Variants in RBFOX1 observed in about 807,000 individuals in gnomAD.
RBFOX1 encodes RNA binding fox-1 homolog 1.
Under a neutral mutation model 57.7 loss-of-function variants are expected in RBFOX1, and 8 were observed. That is an observed-to-expected ratio of 0.14 (90% CI 0.08 to 0.25). The LOEUF is 0.25. RBFOX1 is among the 10% of genes least tolerant of loss of function. The pLI, the probability that RBFOX1 is intolerant of heterozygous loss-of-function variation, is 1.00. For synonymous variants in RBFOX1, 326 were observed against 222.4 expected, an observed-to-expected ratio of 1.47 and a Z score of -4.15; for missense variants, 611 against 548.5, an observed-to-expected ratio of 1.11 and a Z score of -1.14.
intron 4 of RBFOX1, among the ~76,000 whole-genome samples, chr16:7,126,973 C>T (rs1043180332): frequency 6.8e-6 from 1 of 146,476 alleles, no homozygotes; most frequent in Non-Finnish European, 1.5e-5. Flanking sequence ...CGCGCCACTA[C>T]ACTGCAGCCT....
At chr16:6,415,626 G>C (rs571059676) in intron 2 of RBFOX1, among the ~76,000 whole-genome samples, 1 of 152,054 alleles carries the variant, frequency 6.6e-6, no homozygotes, top group Admixed American at 6.6e-5. Context: ...GCTTGAATCC[G>C]GGAGATGGAG....
chr16:6,922,777 G>C (rs2074760114), intron 3 of RBFOX1, among the ~76,000 whole-genome samples: 1 of 152,154 alleles, frequency 6.6e-6, no homozygotes, highest in African/African-American at 2.4e-5. Flanking sequence ...TGGTGACTGT[G>C]AGTAATAAAT....
chr16:7,013,457 C>T (rs771875067), intron 3 of RBFOX1, among the ~76,000 whole-genome samples: 9 of 152,166 alleles, frequency 5.9e-5, no homozygotes, highest in Admixed American at 2.0e-4. Flanking sequence ...GGATGCTACT[C>T]GCATCTAGCA....
At chr16:6,267,368 C>G (rs939489974) in intron 1 of RBFOX1, among the ~76,000 whole-genome samples, 1 of 152,170 alleles carries the variant, frequency 6.6e-6, no homozygotes, top group Non-Finnish European at 1.5e-5. Context: ...CTGATAAACC[C>G]CGATTTCACT....
At chr16:6,418,761 T>G (rs752066538) in intron 2 of RBFOX1, among the ~76,000 whole-genome samples, 4 of 152,094 alleles carry the variant, frequency 2.6e-5, no homozygotes, top group Admixed American at 6.6e-5. Flanking sequence ...CTCCTGGTCC[T>G]TAATCAGTCC....
chr16:5,310,262 C>T (rs910944161), intron 1 of RBFOX1, among the ~76,000 whole-genome samples: 1 of 151,972 alleles, frequency 6.6e-6, no homozygotes, highest in African/African-American at 2.4e-5. Flanking sequence ...ATTAGCTGGG[C>T]ATAGTAGTGC....
Position 6,876,342 on chromosome 16 carries a change from C to T in RBFOX1, c.-15-175715C>T, listed in dbSNP as rs566659084. ...GACAATGAATGACTTGTTGACTATT[C>T]CACCATCAAAGAAAAATAATATTAA... is the stretch of plus-strand genomic sequence containing the variant. On this transcript the variant is annotated intron_variant, in intron 3 of 15. Transcript: ENST00000550418. 1.8e-3 allele frequency among the ~76,000 whole-genome samples: 276 copies of T among 152,212 alleles called. 1 individual carries two copies. Among genetic ancestry groups the T allele is most frequent in the Middle Eastern group, 6.8e-3 (2 of 294 alleles).
At chr16:6,712,302 A>T (rs1056142052) in intron 3 of RBFOX1, among the ~76,000 whole-genome samples, 15 of 152,290 alleles carry the variant, frequency 9.8e-5, no homozygotes, top group Admixed American at 2.6e-4. Flanking sequence ...ACCTTCTGTC[A>T]TCTGGGTCTG....
At chr16:5,331,350 A>C (rs995309486) in intron 1 of RBFOX1, among the ~76,000 whole-genome samples, 3 of 152,204 alleles carry the variant, frequency 2.0e-5, no homozygotes, top group Admixed American at 6.5e-5. Flanking sequence ...AAAACTTCAT[A>C]ATTACTATGT....
chr16:7,493,908 G>C (rs530571079), intron 4 of RBFOX1, among the ~76,000 whole-genome samples: 1 of 152,252 alleles, frequency 6.6e-6, no homozygotes, highest in East Asian at 1.9e-4. Flanking sequence ...GTAGGTGCTT[G>C]GTTTTAGTTT....
intron 3 of RBFOX1, among the ~76,000 whole-genome samples, chr16:5,859,184 G>T (rs1007367298): frequency 2.0e-5 from 3 of 152,142 alleles, no homozygotes; most frequent in African/African-American, 7.2e-5. Flanking sequence ...CAGCCTGGGC[G>T]ACACAGCGAG....
At chr16:7,192,264 C>T (rs1327749092) in intron 4 of RBFOX1, among the ~76,000 whole-genome samples, 1 of 152,166 alleles carries the variant, frequency 6.6e-6, no homozygotes, top group Non-Finnish European at 1.5e-5. Flanking sequence ...ATGTTTTGTG[C>T]AAGGAGAGAG....
At chr16:7,414,527 G>C (rs9302845) in intron 4 of RBFOX1, among the ~76,000 whole-genome samples, 10 of 152,036 alleles carry the variant, frequency 6.6e-5, no homozygotes, top group African/African-American at 2.4e-4. Context: ...TGATAGAAAA[G>C]TGTGACTTTC....
At chr16:5,637,236 C>T (rs987223095) in intron 3 of RBFOX1, among the ~76,000 whole-genome samples, 2 of 152,194 alleles carry the variant, frequency 1.3e-5, no homozygotes, top group African/African-American at 4.8e-5. Flanking sequence ...TTCAAGCAGC[C>T]TCCAACAATT....
chr16:6,753,073 T>A (rs1431366748), intron 3 of RBFOX1, among the ~76,000 whole-genome samples: 1 of 91,178 alleles, frequency 1.1e-5, no homozygotes, highest in Non-Finnish European at 2.5e-5. Context: ...TAGGAAGTAA[T>A]GGCATAAAAA....
At chr16:6,174,861 A>G (rs537086256) in intron 1 of RBFOX1, among the ~76,000 whole-genome samples, 5 of 152,292 alleles carry the variant, frequency 3.3e-5, no homozygotes, top group African/African-American at 1.2e-4. Context: ...GCCTTTGAGA[A>G]TAGTTGGGAG....
At chr16:6,780,398 T>TTTTATATATATTTATATATA (rs1365344531) in intron 3 of RBFOX1, among the ~76,000 whole-genome samples, 1 of 79,972 alleles carries the variant, frequency 1.3e-5, no homozygotes, top group African/African-American at 6.2e-5. Flanking sequence ...TTATATATAT[T>TTTTATATATATTTATATATA]TTTATATATA....
At chr16:5,372,686 G>T (rs2065889138) in intron 1 of RBFOX1, among the ~76,000 whole-genome samples, 1 of 152,164 alleles carries the variant, frequency 6.6e-6, no homozygotes, top group African/African-American at 2.4e-5. Flanking sequence ...GCAAGGAGCT[G>T]TTTCTTCCAA....
intron 5 of RBFOX1, among the ~76,000 whole-genome samples, chr16:7,518,775 C>T (rs2076932596): frequency 6.6e-6 from 1 of 152,140 alleles, no homozygotes; most frequent in African/African-American, 2.4e-5. Context: ...GTGATCCCAG[C>T]ACTTTGGGAG....
Sources: allele counts gnomAD v4.1 joint callset (sites outside exome capture counted in the v4.1 genomes callset), GRCh38; gene constraint gnomAD v4.1.1; transcripts MANE v1.5; gene names NCBI Gene and HGNC (gene_info 2026-07-23, HGNC 2026-07-21).